Variants in VGLL3 observed in about 807,000 individuals in gnomAD.
VGLL3 encodes the protein vestigial like family member 3, also known as transcription cofactor vestigial-like protein 3.
Under a neutral mutation model 29.2 loss-of-function variants are expected in VGLL3, and 18 were observed. The observed-to-expected ratio is 0.62, with a 90% CI of 0.43 to 0.91. VGLL3 has a LOEUF of 0.91. Among genes scored for constraint, VGLL3 ranks in the 40% least tolerant of loss-of-function variants. VGLL3 has a pLI of 0.00. For synonymous variants in VGLL3, 180 were observed against 151.8 expected (o/e 1.19, Z -1.36); for missense variants, 440 against 413.2 (o/e 1.06, Z -0.56).
intron 1 of VGLL3, among the ~76,000 whole-genome samples, chr3:86,984,416 T>A (rs1705392001): frequency 6.6e-6 from 1 of 152,068 alleles, no homozygotes; most frequent in Non-Finnish European, 1.5e-5. Context: ...TATCAAAAAA[T>A]CAAACCTAAC....
intron 3 of VGLL3, chr3:86,962,433 A>T (rs1393964320): frequency 1.0e-6 from 1 of 985,298 alleles, no homozygotes; most frequent in African/African-American, 1.7e-5. Flanking sequence ...ACCACCACTC[A>T]GCCCTTCGGA....
At chr3:86,990,368 G>A in intron 1 of VGLL3, 1 of 985,420 alleles carries the variant, frequency 1.0e-6, no homozygotes, top group African/African-American at 1.7e-5. Context: ...GTGCCTAGGA[G>A]GAGCAGCCTC....
rs145824370 is a variant in VGLL3 at position 86,987,595 on chromosome 3, G to T, written c.126+3023C>A. On this transcript the variant is annotated intron_variant, in intron 1 of 3. Transcript: ENST00000398399. The stretch of plus-strand genomic sequence containing the variant: ...AGTTGTTAGAGACTGACATATTAAA[G>T]CCAGAAAGAGATGGTGGGCATGCGA... Among the ~76,000 whole-genome samples the T allele has an allele frequency of 3.5e-3, 540 of 152,240 alleles. 4 individuals carry two copies. The highest frequency in any genetic ancestry group is 0.011 in the African/African-American group (475 of 41,544).
intron 2 of VGLL3, among the ~76,000 whole-genome samples, chr3:86,969,599 A>G (rs1057365058): frequency 2.0e-5 from 3 of 152,204 alleles, no homozygotes; most frequent in Non-Finnish European, 4.4e-5. Context: ...GCCGAAGGTA[A>G]CAATGGAAGT....
intron 3 of VGLL3, chr3:86,962,168 A>G (rs1704860689): frequency 3.0e-6 from 3 of 985,388 alleles, no homozygotes; most frequent in Non-Finnish European, 3.6e-6. Context: ...AAAGATGAGC[A>G]TTTTTCACGT....
rs891366389 is a variant in VGLL3 at position 86,943,827 on chromosome 3, A to G, written c.*3197T>C. 1 of 152,160 alleles carries G rather than the reference A, an allele frequency of 6.6e-6. No homozygotes were observed. The highest frequency in any genetic ancestry group is 1.5e-5 in the Non-Finnish European group (1 of 68,032). The allele number at this position is 152,160 out of a possible 1,614,324, so 9.4% of individuals were successfully genotyped here. A position where few individuals can be genotyped will look rare whatever the true frequency, so the allele number is the denominator to read the frequency against. On this transcript the variant is annotated 3_prime_UTR_variant, in exon 4 of 4. Coordinates refer to ENST00000398399, the MANE Select transcript of VGLL3 (RefSeq NM_016206.4). ...TAGCTCCCGATGGTTTATTGGTGGA[A>G]GCATAGATTCTATTTAAAATAAACG...
At chr3:86,981,983 A>G (rs556071750) in intron 1 of VGLL3, among the ~76,000 whole-genome samples, 73 of 152,302 alleles carry the variant, frequency 4.8e-4, no homozygotes, top group Admixed American at 9.8e-4. Context: ...TGTTTTTAAC[A>G]TTAAGTGCGA....
At chr3:86,989,092 T>C (rs910946108) in intron 1 of VGLL3, among the ~76,000 whole-genome samples, 1 of 152,186 alleles carries the variant, frequency 6.6e-6, no homozygotes, top group Non-Finnish European at 1.5e-5. Flanking sequence ...CAAAAAAAAG[T>C]GTTACAGTAT....
intron 2 of VGLL3, among the ~76,000 whole-genome samples, chr3:86,977,215 G>C (rs1705226839): frequency 6.6e-6 from 1 of 151,976 alleles, no homozygotes; most frequent in Non-Finnish European, 1.5e-5. Context: ...AAAAAAAGAA[G>C]GAGAGGAGAG....
intron 2 of VGLL3, among the ~76,000 whole-genome samples, chr3:86,971,873 A>T (rs772973256): frequency 2.6e-5 from 4 of 152,178 alleles, no homozygotes; most frequent in Non-Finnish European, 4.4e-5. Flanking sequence ...CTTTGCTCTC[A>T]CAACTCCCAT....
At chr3:86,990,015 C>T (rs956404841) in intron 1 of VGLL3, among the ~76,000 whole-genome samples, 1 of 152,128 alleles carries the variant, frequency 6.6e-6, no homozygotes, top group Non-Finnish European at 1.5e-5. Context: ...AAACTCTGTG[C>T]TTTGCTGGAA....
In VGLL3 at chr3:86,938,494, G is replaced by C. The variant is rs978449653; in HGVS notation, c.*8530C>G. The C allele has an allele frequency of 1.3e-5, 2 of 152,636 alleles. No individual in the cohort carries two copies. The highest frequency in any genetic ancestry group is 4.1e-4 in the South Asian group (2 of 4,832). 9.5% of individuals were successfully genotyped at this position (152,636 alleles called of 1,614,324 possible). On this transcript the variant is annotated 3_prime_UTR_variant, in exon 4 of 4. Coordinates refer to ENST00000398399, the MANE Select transcript of VGLL3 (RefSeq NM_016206.4). ...GAACAGATTTTGTATTTTTTGGCAA[G>C]ATATTAAATCCTCTGTTGCTATATT...
chr3:86,960,949 A>G (rs1704825865), intron 3 of VGLL3, among the ~76,000 whole-genome samples: 1 of 148,730 alleles, frequency 6.7e-6, no homozygotes. Context: ...ATATATATAT[A>G]TATATATATA....
At chr3:86,984,911 A>G (rs6784668) in intron 1 of VGLL3, among the ~76,000 whole-genome samples, 13,298 of 152,182 alleles carry the variant, frequency 0.087, 1,574 homozygotes, top group African/African-American at 0.26. Flanking sequence ...AAAGTAAGAA[A>G]ATTCAAAAGA....
intron 3 of VGLL3, among the ~76,000 whole-genome samples, 186 bp from the exon 4 acceptor site, chr3:86,947,253 C>T (rs1357074929): frequency 2.0e-5 from 3 of 152,138 alleles, no homozygotes; most frequent in African/African-American, 7.2e-5. Flanking sequence ...TTCAAAAAAT[C>T]AACTAACACA....
At chr3:86,987,657 T>C (rs1280482288) in intron 1 of VGLL3, among the ~76,000 whole-genome samples, 1 of 152,200 alleles carries the variant, frequency 6.6e-6, no homozygotes, top group African/African-American at 2.4e-5. Context: ...ATTTTGGCTC[T>C]ATAAACCCCA....
In VGLL3 at chr3:86,940,378, C is replaced by T. The variant is rs887238882; in HGVS notation, c.*6646G>A. The T allele has an allele frequency of 3.9e-5, 6 of 152,556 alleles. No individual in the cohort carries two copies. Among genetic ancestry groups the T allele is most frequent in the African/African-American group, 9.7e-5 (4 of 41,430 alleles). The allele number at this position is 152,556 out of a possible 1,614,324, so 9.5% of individuals were successfully genotyped here. ...GCATTGTATTATAAAATTCTCAAGA[C>T]TCTTGCTGTTATGTAATTAATATAC... On this transcript the variant is annotated 3_prime_UTR_variant, in exon 4 of 4. Coordinates refer to ENST00000398399, the MANE Select transcript of VGLL3 (RefSeq NM_016206.4).
intron 1 of VGLL3, among the ~76,000 whole-genome samples, chr3:86,983,340 G>T (rs943072657): frequency 2.0e-5 from 3 of 152,024 alleles, no homozygotes; most frequent in Non-Finnish European, 4.4e-5. Context: ...AATCATAGAG[G>T]ACATAAAAGC....
At position 86,946,120 on chromosome 3, in the gene VGLL3, G is replaced by T. The variant is rs1704500776; in HGVS notation, c.*904C>A. 6.6e-6 allele frequency: 1 copy of T among 151,996 alleles called. No individual in the cohort carries two copies. Among genetic ancestry groups the T allele is most frequent in the South Asian group, 2.1e-4 (1 of 4,826 alleles). 9.4% of individuals were successfully genotyped at this position (151,996 alleles called of 1,614,324 possible). On this transcript the variant is annotated 3_prime_UTR_variant, in exon 4 of 4. Coordinates refer to ENST00000398399, the MANE Select transcript of VGLL3 (RefSeq NM_016206.4). ...TCCTTGTAGTTGTATATAACCTCTG[G>T]TTCCATTTATCAAATTTGGATGGGC...
Sources: gnomAD v4.1 joint callset for allele counts (sites outside exome capture counted in the v4.1 genomes callset) on GRCh38, gnomAD v4.1.1 for gene constraint, MANE v1.5 for transcripts, NCBI Gene and HGNC (gene_info 2026-07-23, HGNC 2026-07-21) for gene names.